The following MBNL1 variants were observed in gnomAD, a reference collection of about 807,000 sequenced individuals.
MBNL1 encodes muscleblind-like protein 1.
A neutral mutation model predicts 42.2 loss-of-function variants in MBNL1; 8 were observed. The observed-to-expected ratio is 0.19, with a 90% CI of 0.11 to 0.34. MBNL1 has a LOEUF of 0.34. MBNL1 is among the 10% of genes least tolerant of loss of function. The pLI, the probability that MBNL1 is intolerant of heterozygous loss-of-function variation, is 1.00. For missense variants in MBNL1, 309 were observed against 495.3 expected (o/e 0.62, Z 3.57); for synonymous variants, 169 against 173.9 (o/e 0.97, Z 0.22).
chr3:152,375,089 T>C (rs1171879335), intron 2 of MBNL1, among the ~76,000 whole-genome samples: 2 of 152,184 alleles, frequency 1.3e-5, no homozygotes, highest in Non-Finnish European at 2.9e-5. Context: ...GCCTTCCTTC[T>C]TCAGCCTCCC....
chr3:152,383,256 G>C (rs1177625538), intron 2 of MBNL1, among the ~76,000 whole-genome samples: 1 of 151,964 alleles, frequency 6.6e-6, no homozygotes, highest in Non-Finnish European at 1.5e-5. Flanking sequence ...CCTTAAAATT[G>C]GGATTCTTAC....
At chr3:152,350,836 G>A (rs2094884337) in intron 2 of MBNL1, among the ~76,000 whole-genome samples, 1 of 151,968 alleles carries the variant, frequency 6.6e-6, no homozygotes, top group Admixed American at 6.6e-5. Context: ...TTTTAACTTT[G>A]ACTTATAGAC....
chr3:152,254,629 TC>T (rs2035184541), intron 2 of MBNL1, among the ~76,000 whole-genome samples: 1 of 152,156 alleles, frequency 6.6e-6, no homozygotes, highest in Non-Finnish European at 1.5e-5. Flanking sequence ...AAATTCTTTT[TC>T]TTGTACATCC....
intron 2 of MBNL1, among the ~76,000 whole-genome samples, chr3:152,382,889 C>A (rs2097243797): frequency 6.6e-6 from 1 of 152,006 alleles, no homozygotes; most frequent in African/African-American, 2.4e-5. Flanking sequence ...TCACTCCGTA[C>A]TTATTGGGGT....
intron 1 of MBNL1, among the ~76,000 whole-genome samples, chr3:152,285,014 C>A (rs547498695): frequency 3.9e-5 from 6 of 152,096 alleles, no homozygotes; most frequent in African/African-American, 1.4e-4. Flanking sequence ...TTCTTGTCTC[C>A]AGGTATACAT....
At chr3:152,346,610 G>A (rs1001486908) in intron 2 of MBNL1, among the ~76,000 whole-genome samples, 1 of 151,812 alleles carries the variant, frequency 6.6e-6, no homozygotes, top group African/African-American at 2.4e-5. Flanking sequence ...TTATTTTCAG[G>A]TTAGAAAAAT....
At chr3:152,454,471 C>A (rs531161298) in intron 6 of MBNL1, among the ~76,000 whole-genome samples, 178 of 152,188 alleles carry the variant, frequency 1.2e-3, no homozygotes, top group African/African-American at 4.2e-3. Flanking sequence ...TATTTTAAAA[C>A]CTAGAATTCT....
intron 2 of MBNL1, among the ~76,000 whole-genome samples, chr3:152,404,421 T>C (rs2098359604): frequency 6.6e-6 from 1 of 152,204 alleles, no homozygotes; most frequent in Non-Finnish European, 1.5e-5. Flanking sequence ...AAATTTATCA[T>C]GACTGAATAA....
intron 1 of MBNL1, among the ~76,000 whole-genome samples, chr3:152,293,670 G>T (rs1364902352): frequency 6.6e-6 from 1 of 151,880 alleles, no homozygotes; most frequent in Admixed American, 6.6e-5. Flanking sequence ...AAATTACTTA[G>T]TTAACTTCCT....
chr3:152,395,031 G>C (rs1327185992), intron 2 of MBNL1, among the ~76,000 whole-genome samples: 1 of 151,906 alleles, frequency 6.6e-6, no homozygotes, highest in Non-Finnish European at 1.5e-5. Flanking sequence ...GCTAATTTTT[G>C]TTTGTATTTT....
intron 2 of MBNL1, among the ~76,000 whole-genome samples, chr3:152,330,607 A>G (rs1009435749): frequency 6.6e-6 from 1 of 152,196 alleles, no homozygotes; most frequent in African/African-American, 2.4e-5. Flanking sequence ...GAAATGCAGT[A>G]CAGAATGCAA....
intron 2 of MBNL1, among the ~76,000 whole-genome samples, chr3:152,350,359 C>T (rs2094821256): frequency 6.6e-6 from 1 of 151,898 alleles, no homozygotes; most frequent in African/African-American, 2.4e-5. Context: ...AACCAGATTC[C>T]AAGAAGATGA....
At chr3:152,370,687 A>G (rs1049191560) in intron 2 of MBNL1, among the ~76,000 whole-genome samples, 3 of 152,188 alleles carry the variant, frequency 2.0e-5, no homozygotes, top group Non-Finnish European at 2.9e-5. Context: ...GCTTCTGTAT[A>G]GGGTGCCTAT....
At position 152,323,222 on chromosome 3, in the gene MBNL1, G is replaced by A. The variant is rs185248017; in HGVS notation, c.174+22855G>A. On this transcript the variant is annotated intron_variant, in intron 2 of 9. Coordinates refer to ENST00000324210, the MANE Select transcript of MBNL1 (RefSeq NM_021038.5). The stretch of plus-strand genomic sequence containing the variant: ...TTGGACATTATTTTTAAATGATAAA[G>A]GAACTTAAAAAAGTGATAGGATCAA... 2.0e-3 allele frequency among the ~76,000 whole-genome samples: 303 copies of A among 151,992 alleles called. 5 individuals are homozygous for A. The highest frequency in any genetic ancestry group is 1.3e-3 in the East Asian group (7 of 5,188).
At chr3:152,402,288 T>A (rs192861840) in intron 2 of MBNL1, among the ~76,000 whole-genome samples, 2 of 152,258 alleles carry the variant, frequency 1.3e-5, no homozygotes, top group East Asian at 3.9e-4. Context: ...TTGAGGCCCC[T>A]GTATATATTC....
chr3:152,429,863 T>A (rs1453317354), intron 3 of MBNL1, among the ~76,000 whole-genome samples: 2 of 152,196 alleles, frequency 1.3e-5, no homozygotes, highest in Non-Finnish European at 2.9e-5. Flanking sequence ...ATAAAGCTAT[T>A]GTTACTGATT....
chr3:152,291,799 C>A (rs137915139), intron 1 of MBNL1, among the ~76,000 whole-genome samples: 1 of 151,986 alleles, frequency 6.6e-6, no homozygotes, highest in African/African-American at 2.4e-5. Context: ...GTTTTTTAGA[C>A]GAGGTCTCAC....
chr3:152,431,760 G>A (rs544581571), intron 3 of MBNL1, among the ~76,000 whole-genome samples: 1 of 152,250 alleles, frequency 6.6e-6, no homozygotes, highest in African/African-American at 2.4e-5. Context: ...ACTCTATTAG[G>A]AAGTTAAAAA....
At chr3:152,416,252 G>A (rs1157678059) in intron 3 of MBNL1, among the ~76,000 whole-genome samples, 1 of 152,158 alleles carries the variant, frequency 6.6e-6, no homozygotes, top group African/African-American at 2.4e-5. Flanking sequence ...AGTGATACCA[G>A]TTATCAGTTC....
Sources: allele counts gnomAD v4.1 joint callset (sites outside exome capture counted in the v4.1 genomes callset), GRCh38; gene constraint gnomAD v4.1.1; transcripts MANE v1.5; gene names NCBI Gene and HGNC (gene_info 2026-07-23, HGNC 2026-07-21).